Variants in GLT8D2 observed in about 807,000 individuals in gnomAD.
GLT8D2 encodes the protein glycosyltransferase 8 domain-containing protein 2.
GLT8D2 carries 45 observed loss-of-function variants against 44.5 expected under a neutral mutation model. The ratio of observed to expected loss-of-function variants is 1.01; its 90% CI spans 0.80 to 1.30. The LOEUF is 1.30. Among genes scored for constraint, GLT8D2 ranks in the 50% most tolerant of loss-of-function variants. GLT8D2 has a pLI of 0.00. For missense variants in GLT8D2, 400 were observed against 430.4 expected, an observed-to-expected ratio of 0.93 and a Z score of 0.62; for synonymous variants, 156 against 157.2, an observed-to-expected ratio of 0.99 and a Z score of 0.06.
At chr12:104,005,363 A>G (rs545322689) in intron 4 of GLT8D2, among the ~76,000 whole-genome samples, 4 of 152,356 alleles carry the variant, frequency 2.6e-5, no homozygotes, top group Admixed American at 1.3e-4. Context: ...AATGGCAACA[A>G]AAGCCAAAAT....
At chr12:103,997,406 T>C (rs1405356254) in intron 7 of GLT8D2, 45 bp downstream of exon 7, 2 of 1,320,776 alleles carry the variant, frequency 1.5e-6, no homozygotes, top group South Asian at 2.4e-5. Context: ...ATTCTACTTA[T>C]CAGCTGCTTC....
In GLT8D2 at chr12:103,993,566, G is replaced by A. The variant is rs533732300; in HGVS notation, c.768-62C>T. 6.9e-6 allele frequency: 7 copies of A among 1,015,738 alleles called. No homozygotes were observed. The South Asian group carries it at 8.1e-5, about 12-fold the overall frequency. The allele number at this position is 1,015,738 out of a possible 1,614,324, so 62.9% of individuals were successfully genotyped here. A position where few individuals can be genotyped will look rare whatever the true frequency, so the allele number is the denominator to read the frequency against. Reference sequence around the variant, plus strand: ...AGCCCCCACAAACTCAGATAAAGTCGAATCTGATATTGTAAATGATGTAAG... The same window carrying A: ...AGCCCCCACAAACTCAGATAAAGTCAAATCTGATATTGTAAATGATGTAAG... On this transcript the variant is annotated intron_variant, in intron 9 of 10. Coordinates refer to ENST00000360814, the MANE Select transcript of GLT8D2 (RefSeq NM_001384711.1).
At chr12:104,054,432 T>C (rs1347259219), upstream of GLT8D2, among the ~76,000 whole-genome samples, 3 of 151,998 alleles carry the variant, frequency 2.0e-5, no homozygotes, top group South Asian at 4.2e-4. Flanking sequence ...CTTAAGTTGA[T>C]TCCATATCTT....
intron 1 of GLT8D2, among the ~76,000 whole-genome samples, chr12:104,033,899 C>A (rs1196192731): frequency 6.6e-6 from 1 of 151,364 alleles, no homozygotes; most frequent in African/African-American, 2.4e-5. Context: ...CTCATTGTAA[C>A]CTTGAGCTCC....
At chr12:104,030,883 C>A in intron 1 of GLT8D2, 7 of 1,557,506 alleles carry the variant, frequency 4.5e-6, no homozygotes, top group African/African-American at 1.4e-5. Flanking sequence ...CGGCGGGCCA[C>A]GAGGAGGCGA....
At chr12:104,036,013 T>G (rs1233599148) in intron 1 of GLT8D2, among the ~76,000 whole-genome samples, 2 of 152,194 alleles carry the variant, frequency 1.3e-5, no homozygotes, top group Non-Finnish European at 2.9e-5. Flanking sequence ...GGGGGCAATA[T>G]TCAACATTCT....
chr12:104,015,217 T>A, intron 3 of GLT8D2, 112 bp from the exon 4 acceptor site: 1 of 711,910 alleles, frequency 1.4e-6, no homozygotes, highest in Non-Finnish European at 2.4e-6. Context: ...AGGAGTGGTA[T>A]CTGAGACCTT....
chr12:103,997,322 C>G, intron 7 of GLT8D2, 129 bp downstream of exon 7: 1 of 730,686 alleles, frequency 1.4e-6, no homozygotes, highest in Non-Finnish European at 2.4e-6. Context: ...TACAACAATA[C>G]TGTACTCACA....
At chr12:103,990,250 A>G (rs1488207440) in intron 10 of GLT8D2, among the ~76,000 whole-genome samples, 1 of 151,576 alleles carries the variant, frequency 6.6e-6, no homozygotes, top group African/African-American at 2.4e-5. Flanking sequence ...CTCCCACCCA[A>G]GAGTTTATAG....
intron 6 of GLT8D2, among the ~76,000 whole-genome samples, chr12:103,998,345 C>G (rs908746028): frequency 6.6e-6 from 1 of 151,952 alleles, no homozygotes; most frequent in African/African-American, 2.4e-5. Context: ...AACAATCCTC[C>G]CACCTCAGCC....
At chr12:104,039,874 T>G (rs903975382) in intron 1 of GLT8D2, among the ~76,000 whole-genome samples, 2 of 152,194 alleles carry the variant, frequency 1.3e-5, no homozygotes, top group African/African-American at 4.8e-5. Context: ...CTATTCACAA[T>G]AGCAAAGACT....
chr12:104,049,744 G>A (rs1881544019), intron 1 of GLT8D2, among the ~76,000 whole-genome samples, 151 bp downstream of exon 1: 1 of 152,156 alleles, frequency 6.6e-6, no homozygotes, highest in African/African-American at 2.4e-5. Context: ...CTACCAGTTC[G>A]GACTGGGAAG....
At chr12:104,001,242 G>A (rs912095672) in intron 5 of GLT8D2, among the ~76,000 whole-genome samples, 6 of 152,128 alleles carry the variant, frequency 3.9e-5, no homozygotes. Flanking sequence ...TTAACATCTG[G>A]ATCATATTTC....
upstream of GLT8D2, among the ~76,000 whole-genome samples, chr12:104,053,288 T>C (rs571747152): frequency 6.6e-4 from 101 of 152,342 alleles, no homozygotes; most frequent in African/African-American, 2.4e-3. Flanking sequence ...TTCTCCTTTA[T>C]TCCTGCTGTG....
intron 1 of GLT8D2, among the ~76,000 whole-genome samples, 186 bp downstream of exon 1, chr12:104,049,709 G>A (rs1041998353): frequency 6.6e-6 from 1 of 152,224 alleles, no homozygotes; most frequent in African/African-American, 2.4e-5. Flanking sequence ...TGCTGGAAAT[G>A]GCCGAAAAGG....
rs527756650 is a variant in GLT8D2, at chr12:104,035,322, C to T, written c.-163-13831G>A. 1.4e-4 allele frequency among the ~76,000 whole-genome samples: 22 copies of T among 152,316 alleles called. No individual in the cohort carries two copies. The South Asian group carries it at 4.1e-3, about 29-fold the overall frequency. On this transcript the variant is annotated intron_variant, in intron 1 of 10. Coordinates refer to ENST00000360814, the MANE Select transcript of GLT8D2 (RefSeq NM_001384711.1). ...AAAGCTGGACGGAGAATGACTTTGA[C>T]GAGCTGACAGAAGTAGGCTTCAGAA...
chr12:104,051,452 A>C (rs955911411), upstream of GLT8D2, among the ~76,000 whole-genome samples: 20 of 152,132 alleles, frequency 1.3e-4, no homozygotes, highest in African/African-American at 4.6e-4. Flanking sequence ...TTTGTCTTTA[A>C]ATTTAATTTG....
At chr12:104,043,667 A>G (rs1880797886) in intron 1 of GLT8D2, among the ~76,000 whole-genome samples, 6 of 152,142 alleles carry the variant, frequency 3.9e-5, no homozygotes, top group African/African-American at 9.7e-5. Flanking sequence ...CAGTTTCGCC[A>G]TGCTGGCCAG....
intron 2 of GLT8D2, among the ~76,000 whole-genome samples, chr12:104,020,341 C>T (rs531271249): frequency 1.6e-4 from 25 of 152,088 alleles, no homozygotes; most frequent in Admixed American, 5.2e-4. Flanking sequence ...CAACCCTATG[C>T]CATCTTTCTA....
Sources: gnomAD v4.1 joint callset for allele counts (sites outside exome capture counted in the v4.1 genomes callset) on GRCh38, gnomAD v4.1.1 for gene constraint, MANE v1.5 for transcripts, NCBI Gene and HGNC (gene_info 2026-07-23, HGNC 2026-07-21) for gene names.